Variants in KIAA0825 observed in about 807,000 individuals in gnomAD.
KIAA0825 encodes the protein KIAA0825.
In KIAA0825, 119 loss-of-function variants were observed where a neutral mutation model predicts 147.6. The observed-to-expected ratio is 0.81, with a 90% CI of 0.69 to 0.94. KIAA0825 has a LOEUF of 0.94. Among genes scored for constraint, KIAA0825 ranks in the 40% least tolerant of loss-of-function variants. KIAA0825 has a pLI of 0.00. For synonymous variants in KIAA0825, 470 were observed against 518.1 expected (o/e 0.91, Z 1.26); for missense variants, 1,381 against 1,472.7 (o/e 0.94, Z 1.02).
intron 19 of KIAA0825, among the ~76,000 whole-genome samples, chr5:94,384,998 C>G (rs1748949567): frequency 6.6e-6 from 1 of 152,026 alleles, no homozygotes; most frequent in African/African-American, 2.4e-5. Flanking sequence ...ATAAGTGATT[C>G]CTTTTTCTCA....
chr5:94,464,903 C>T lies in KIAA0825; in HGVS notation c.2029G>A (p.Ala677Thr). 6.4e-7 allele frequency: 1 copy of T among 1,551,550 alleles called. No individual in the cohort carries two copies. The highest frequency in any genetic ancestry group is 1.2e-5 in the South Asian group (1 of 84,050). Residue 677 changes from alanine to threonine, a missense_variant, in exon 11 of 21, where the codon GCC becomes ACC. Coordinates refer to ENST00000682413, the MANE Select transcript of KIAA0825 (RefSeq NM_001145678.3). ...LSLLASRYAR[A>T]HPSRKRTPQL... ...GGAGTTCTTTTACGGCTGGGGTGGG[C>T]CCGAGCGTATCTGGAGGCCAGTAGA...
chr5:94,272,106 C>A (rs1333641227), intron 20 of KIAA0825, among the ~76,000 whole-genome samples: 396 of 66,552 alleles, frequency 6.0e-3, no homozygotes, highest in Middle Eastern at 0.013. Context: ...TTTGTAGGAG[C>A]AAAAAAAAAA....
At chr5:94,332,185 A>C (rs536042912) in intron 20 of KIAA0825, among the ~76,000 whole-genome samples, 2 of 150,820 alleles carry the variant, frequency 1.3e-5, no homozygotes, top group African/African-American at 2.4e-5. Flanking sequence ...AAAAGAAAAG[A>C]AAATCAGAAA....
chr5:94,473,807 A>G (rs1761511194), intron 7 of KIAA0825, among the ~76,000 whole-genome samples: 1 of 152,216 alleles, frequency 6.6e-6, no homozygotes, highest in African/African-American at 2.4e-5. Flanking sequence ...TAGTTCAATA[A>G]AGCCATCTTT....
Position 94,588,505 on chromosome 5 carries a change from T to C in KIAA0825, c.-152-5922A>G, listed in dbSNP as rs538033795. ...ACAATGAGATACCATCTCACACCAA[T>C]TAGAATGGCAATCATTAAAAAGTCG... On this transcript the variant is annotated intron_variant, in intron 1 of 20. Coordinates refer to ENST00000682413, the MANE Select transcript of KIAA0825 (RefSeq NM_001145678.3). 9.7e-4 allele frequency among the ~76,000 whole-genome samples: 147 copies of C among 152,216 alleles called. 1 individual carries two copies. The highest frequency in any genetic ancestry group is 3.4e-3 in the African/African-American group (142 of 41,542).
At chr5:94,574,340 CG>C (rs1561338252) in intron 2 of KIAA0825, among the ~76,000 whole-genome samples, 1 of 151,814 alleles carries the variant, frequency 6.6e-6, no homozygotes, top group African/African-American at 2.4e-5. Context: ...ATCAGGAGTT[CG>C]AGACCAGTCT....
intron 20 of KIAA0825, among the ~76,000 whole-genome samples, chr5:94,347,290 G>A (rs888398259): frequency 2.0e-5 from 3 of 152,208 alleles, no homozygotes; most frequent in African/African-American, 7.2e-5. Flanking sequence ...GTTCCTCCCC[G>A]TAATACCACA....
At chr5:94,172,395 T>C (rs1768707458) in intron 20 of KIAA0825, among the ~76,000 whole-genome samples, 1 of 152,246 alleles carries the variant, frequency 6.6e-6, no homozygotes, top group South Asian at 2.1e-4. Flanking sequence ...AGCTATTGAC[T>C]GGCTACATAC....
chr5:94,554,104 A>G (rs1253346656), intron 2 of KIAA0825, among the ~76,000 whole-genome samples: 3 of 152,232 alleles, frequency 2.0e-5, no homozygotes, highest in Non-Finnish European at 2.9e-5. Context: ...ATATTCTTCT[A>G]TGGTGATAGG....
At chr5:94,306,487 G>A (rs901799526) in intron 20 of KIAA0825, among the ~76,000 whole-genome samples, 9 of 151,832 alleles carry the variant, frequency 5.9e-5, no homozygotes, top group Non-Finnish European at 7.4e-5. Flanking sequence ...TTTCACACGG[G>A]AGAAATGTCA....
intron 20 of KIAA0825, among the ~76,000 whole-genome samples, chr5:94,307,726 C>G (rs1471980598): frequency 1.3e-5 from 2 of 151,840 alleles, no homozygotes; most frequent in Non-Finnish European, 2.9e-5. Context: ...ACTACTCCAC[C>G]TCGAAAACAG....
chr5:94,537,902 A>G (rs942524331), intron 2 of KIAA0825, among the ~76,000 whole-genome samples: 8 of 152,210 alleles, frequency 5.3e-5, no homozygotes, highest in African/African-American at 1.7e-4. Context: ...GAAAGATACA[A>G]AACTGTCCTT....
chr5:94,572,968 T>C (rs533089302), intron 2 of KIAA0825, among the ~76,000 whole-genome samples: 113 of 152,272 alleles, frequency 7.4e-4, no homozygotes, highest in Middle Eastern at 3.4e-3. Context: ...CCATGGCCCA[T>C]GGCACAGCTC....
At chr5:94,609,943 G>A (rs575820139) in intron 1 of KIAA0825, among the ~76,000 whole-genome samples, 7 of 152,286 alleles carry the variant, frequency 4.6e-5, no homozygotes, top group Non-Finnish European at 7.3e-5. Context: ...CACCTTGGAA[G>A]AACTGAACTG....
chr5:94,535,905 A>C (rs1412371771), intron 3 of KIAA0825, among the ~76,000 whole-genome samples: 3 of 152,226 alleles, frequency 2.0e-5, no homozygotes, highest in African/African-American at 7.2e-5. Flanking sequence ...CTACCTGAGG[A>C]CTAGTGATTG....
intron 1 of KIAA0825, among the ~76,000 whole-genome samples, chr5:94,602,561 G>A (rs1384310100): frequency 6.6e-6 from 1 of 152,124 alleles, no homozygotes; most frequent in East Asian, 1.9e-4. Flanking sequence ...TCAAGGGAGT[G>A]CTTACCCTCA....
chr5:94,239,294 GGTCTACACAGGT>G (rs1775226644), intron 20 of KIAA0825, among the ~76,000 whole-genome samples: 1 of 152,126 alleles, frequency 6.6e-6, no homozygotes, highest in Non-Finnish European at 1.5e-5. Context: ...GTTTTCAAAA[GGTCTACACAGGT>G]GTCAATAAAT....
At chr5:94,395,616 C>T (rs1253464116) in intron 17 of KIAA0825, among the ~76,000 whole-genome samples, 1 of 152,048 alleles carries the variant, frequency 6.6e-6, no homozygotes, top group Admixed American at 6.6e-5. Context: ...TGTGATATGC[C>T]CTAGTTGCCC....
intron 17 of KIAA0825, among the ~76,000 whole-genome samples, chr5:94,392,788 C>T (rs1750075343): frequency 6.6e-6 from 1 of 152,172 alleles, no homozygotes; most frequent in African/African-American, 2.4e-5. Flanking sequence ...ATATTGCTTC[C>T]ACATGTATCT....
Sources: allele counts gnomAD v4.1 joint callset (sites outside exome capture counted in the v4.1 genomes callset), GRCh38; gene constraint gnomAD v4.1.1; transcripts MANE v1.5; gene names NCBI Gene and HGNC (gene_info 2026-07-23, HGNC 2026-07-21).